PIEZO1: variants seen among roughly 807,000 people sequenced by gnomAD.
PIEZO1 encodes the protein piezo type mechanosensitive ion channel component 1 (Er blood group).
A neutral mutation model predicts 297.2 loss-of-function variants in PIEZO1; 296 were observed. That is an observed-to-expected ratio of 1.00 (90% CI 0.91 to 1.10). The LOEUF is 1.10. Among genes scored for constraint, PIEZO1 ranks in the 50% least tolerant of loss-of-function variants. The pLI, the probability that PIEZO1 is intolerant of heterozygous loss-of-function variation, is 0.00. For missense variants in PIEZO1, 5,018 were observed against 3,455.5 expected, an observed-to-expected ratio of 1.45 and a Z score of -11.34; for synonymous variants, 2,427 against 1,507.5, an observed-to-expected ratio of 1.61 and a Z score of -14.13.
At chr16:88,761,490 C>T (rs915706598) in intron 1 of PIEZO1, among the ~76,000 whole-genome samples, 4 of 152,210 alleles carry the variant, frequency 2.6e-5, no homozygotes, top group Non-Finnish European at 2.9e-5. Context: ...CCAAAGCCGC[C>T]GCCTTCCGGT....
intron 1 of PIEZO1, among the ~76,000 whole-genome samples, chr16:88,756,655 C>G (rs1220537363): frequency 1.3e-5 from 2 of 152,110 alleles, no homozygotes; most frequent in Non-Finnish European, 2.9e-5. Flanking sequence ...GTAGTCCCAG[C>G]TACTTGGGAG....
At chr16:88,761,381 G>A (rs1315382018) in intron 1 of PIEZO1, among the ~76,000 whole-genome samples, 2 of 152,226 alleles carry the variant, frequency 1.3e-5, no homozygotes, top group Non-Finnish European at 1.5e-5. Context: ...TTGTGGCACT[G>A]CCCTGCCCAG....
chr16:88,752,853 C>A (rs938102836), intron 1 of PIEZO1, among the ~76,000 whole-genome samples: 9 of 151,516 alleles, frequency 5.9e-5, no homozygotes, highest in Non-Finnish European at 1.0e-4. Flanking sequence ...AACACGCCCC[C>A]CAGAGTTTGT....
At chr16:88,772,391 A>G (rs961540578) in intron 1 of PIEZO1, among the ~76,000 whole-genome samples, 2 of 152,186 alleles carry the variant, frequency 1.3e-5, no homozygotes, top group African/African-American at 4.8e-5. Flanking sequence ...CCAGGTGCCA[A>G]TAACCAACAG....
At chr16:88,775,815 G>C (rs1035868716) in intron 1 of PIEZO1, among the ~76,000 whole-genome samples, 1 of 152,038 alleles carries the variant, frequency 6.6e-6, no homozygotes, top group African/African-American at 2.4e-5. Flanking sequence ...ATGTGCAGGA[G>C]GCTGGCTGAT....
intron 19 of PIEZO1, 44 bp downstream of exon 19, chr16:88,733,234 G>C (rs541239701): frequency 2.0e-6 from 3 of 1,513,836 alleles, no homozygotes; most frequent in Non-Finnish European, 2.7e-6. Context: ...CGAATACAGA[G>C]TTGCCTGGAG....
chr16:88,778,773 C>A (rs993042853), intron 1 of PIEZO1, among the ~76,000 whole-genome samples: 2 of 152,180 alleles, frequency 1.3e-5, no homozygotes, highest in African/African-American at 2.4e-5. Flanking sequence ...GGTGTGCGAC[C>A]CCACACAGAA....
intron 22 of PIEZO1, 101 bp from the exon 23 acceptor site, chr16:88,727,762 T>C: frequency 3.7e-6 from 2 of 534,380 alleles, no homozygotes; most frequent in Non-Finnish European, 6.6e-6. Context: ...GCCCTCAGGG[T>C]CCATGGGAAT....
At chr16:88,738,901 G>A in intron 5 of PIEZO1, 165 bp from the exon 6 acceptor site, 1 of 631,790 alleles carries the variant, frequency 1.6e-6, no homozygotes, top group Non-Finnish European at 2.7e-6. Context: ...CGTCCCTGAG[G>A]TCTGCCTGAC....
At chr16:88,719,439 CG>C in intron 44 of PIEZO1, 134 bp downstream of exon 44, 3 of 765,520 alleles carry the variant, frequency 3.9e-6, no homozygotes, top group Admixed American at 2.7e-5. Context: ...TGGGTGGGCT[CG>C]CCTCATGTCC....
At chr16:88,743,383 G>A (rs1438644404) in intron 2 of PIEZO1, 8 of 449,616 alleles carry the variant, frequency 1.8e-5, no homozygotes, top group Non-Finnish European at 2.7e-5. Flanking sequence ...AGGAGCTTCC[G>A]GGCCCTCACC....
chr16:88,782,362 T>C (rs1317579297), intron 1 of PIEZO1, among the ~76,000 whole-genome samples: 1 of 152,194 alleles, frequency 6.6e-6, no homozygotes, highest in Non-Finnish European at 1.5e-5. Context: ...TCCTCCCACC[T>C]TGGCCTCCCG....
At chr16:88,754,849 G>A (rs577088407) in intron 1 of PIEZO1, among the ~76,000 whole-genome samples, 2 of 152,372 alleles carry the variant, frequency 1.3e-5, no homozygotes, top group African/African-American at 4.8e-5. Context: ...AGCTGAGGCT[G>A]CATCACAGAG....
intron 1 of PIEZO1, among the ~76,000 whole-genome samples, chr16:88,758,178 AAGG>A (rs575642670): frequency 0.01 from 1,585 of 152,154 alleles, 13 homozygotes; most frequent in Non-Finnish European, 0.013. Context: ...CTCCTCCCAC[AAGG>A]AGATGGCCAT....
intron 1 of PIEZO1, among the ~76,000 whole-genome samples, chr16:88,774,558 G>A (rs1356286140): frequency 6.6e-6 from 1 of 152,174 alleles, no homozygotes; most frequent in Non-Finnish European, 1.5e-5. Context: ...TGTATACCAC[G>A]TGGAGGAGAA....
chr16:88,734,329 G>C (rs1307782197), intron 16 of PIEZO1, 27 bp downstream of exon 16: 1 of 1,488,020 alleles, frequency 6.7e-7, no homozygotes, highest in Admixed American at 2.2e-5. Flanking sequence ...ACCTCTCCAG[G>C]GCCGGACAGG....
chr16:88,746,706 G>A (rs750124), intron 2 of PIEZO1, among the ~76,000 whole-genome samples: 78,633 of 152,088 alleles, frequency 0.52, 21,495 homozygotes, highest in Non-Finnish European at 0.62. Context: ...GGCCTCTGAC[G>A]AGGCTCAGGC....
In PIEZO1 at chr16:88,721,601, G is replaced by T. The variant is rs372159659; in HGVS notation, c.5340C>A (p.Asp1780Glu). 30 of 1,550,162 alleles carry T rather than the reference G, an allele frequency of 1.9e-5. No individual in the cohort carries two copies. The highest frequency in any genetic ancestry group is 2.2e-5 in the Non-Finnish European group (25 of 1,146,916). The change falls in exon 38 of 51, where the codon GAC becomes GAA. Residue 1780 changes from aspartate to glutamate, a missense_variant. Transcript: ENST00000301015. ...GCACCAGGTCGTACTTGATGTAGCCGTCAGTCTTCTCCAGGCCCAGGATGC... is the reference window on the plus strand; with the variant it reads ...GCACCAGGTCGTACTTGATGTAGCCTTCAGTCTTCTCCAGGCCCAGGATGC... ...PPRILGLEKT[D>E]GYIKYDLVQL...
chr16:88,762,848 G>C (rs780485426), intron 1 of PIEZO1, among the ~76,000 whole-genome samples: 1 of 152,166 alleles, frequency 6.6e-6, no homozygotes, highest in African/African-American at 2.4e-5. Flanking sequence ...CCACAAGGTG[G>C]TCCCTCGGCC....
Sources: gnomAD v4.1 joint callset for allele counts (sites outside exome capture counted in the v4.1 genomes callset) on GRCh38, gnomAD v4.1.1 for gene constraint, MANE v1.5 for transcripts, NCBI Gene and HGNC (gene_info 2026-07-23, HGNC 2026-07-21) for gene names.